The following ZSWIM5 variants were observed in gnomAD, a reference collection of about 807,000 sequenced individuals.
ZSWIM5 encodes the protein zinc finger SWIM domain-containing protein 5.
A neutral mutation model predicts 119.6 loss-of-function variants in ZSWIM5; 55 were observed. The ratio of observed to expected loss-of-function variants is 0.46; its 90% CI spans 0.37 to 0.58. ZSWIM5 has a LOEUF of 0.58. ZSWIM5 is among the 20% of genes least tolerant of loss of function. The probability of loss-of-function intolerance (pLI) is 0.00; values close to 1 mark genes in which losing one functional copy is unlikely to be tolerated. For missense variants in ZSWIM5, 1,193 were observed against 1,512.8 expected, an observed-to-expected ratio of 0.79 and a Z score of 3.51; for synonymous variants, 537 against 606.9, an observed-to-expected ratio of 0.88 and a Z score of 1.69.
At chr1:45,168,682 A>T (rs1645926033) in intron 1 of ZSWIM5, among the ~76,000 whole-genome samples, 1 of 150,780 alleles carries the variant, frequency 6.6e-6, no homozygotes, top group African/African-American at 2.4e-5. Flanking sequence ...AAAAAAAAAA[A>T]AAAGAATAAA....
At chr1:45,204,146 T>A (rs1365743105) in intron 1 of ZSWIM5, among the ~76,000 whole-genome samples, 2 of 152,170 alleles carry the variant, frequency 1.3e-5, no homozygotes, top group Non-Finnish European at 2.9e-5. Context: ...AAACTCTTCC[T>A]CTCTTTTATT....
At position 45,206,328 on chromosome 1, in the gene ZSWIM5, T is replaced by C. The variant is rs1320115522; in HGVS notation, c.23A>G (p.Glu8Gly). MADGGER[E>G]ELLSPSPVSP... is the part of the protein sequence containing the mutation. ...GACCGGTGACGGCGAGAGCAGCTCC[T>C]CTCGCTCACCTCCGTCCGCCATTGC... Residue 8 changes from glutamate to glycine, a missense_variant, in exon 1 of 14, where the codon GAG becomes GGG. Transcript: ENST00000359600. The C allele has an allele frequency of 6.7e-7, 1 of 1,501,992 alleles. No individual in the cohort carries two copies. Among genetic ancestry groups the C allele is most frequent in the Admixed American group, 2.1e-5 (1 of 46,714 alleles). The allele number at this position is 1,501,992 out of a possible 1,614,324, so 93.0% of individuals were successfully genotyped here. A position where few individuals can be genotyped will look rare whatever the true frequency, so the allele number is the denominator to read the frequency against.
At chr1:45,204,139 C>T (rs1386487971) in intron 1 of ZSWIM5, among the ~76,000 whole-genome samples, 2 of 152,126 alleles carry the variant, frequency 1.3e-5, no homozygotes, top group Non-Finnish European at 2.9e-5. Flanking sequence ...CTCTTTAAAA[C>T]TCTTCCTCTC....
In ZSWIM5 at chr1:45,167,006, C is replaced by T. The variant is rs368109507; in HGVS notation, c.595+38750G>A. On this transcript the variant is annotated intron_variant, in intron 1 of 13. Coordinates refer to ENST00000359600, the MANE Select transcript of ZSWIM5 (RefSeq NM_020883.2). Reference sequence around the variant, plus strand: ...CAGACGGAACCAAAAAAAGAGCCCGCATTGCCAAGTCAATCCTAAGCCAAA... The same window carrying T: ...CAGACGGAACCAAAAAAAGAGCCCGTATTGCCAAGTCAATCCTAAGCCAAA... Among the ~76,000 whole-genome samples the T allele has an allele frequency of 2.9e-4, 44 of 152,244 alleles. No homozygotes were observed. The Middle Eastern group carries it at 0.024, about 82-fold the overall frequency.
intron 11 of ZSWIM5, among the ~76,000 whole-genome samples, chr1:45,029,345 C>T (rs1330636870): frequency 6.6e-6 from 1 of 152,116 alleles, no homozygotes; most frequent in East Asian, 1.9e-4. Flanking sequence ...TGTAGTATGT[C>T]CTTTAATTTG....
At chr1:45,167,686 AAAG>A (rs1399534103) in intron 1 of ZSWIM5, among the ~76,000 whole-genome samples, 10 of 152,194 alleles carry the variant, frequency 6.6e-5, no homozygotes, top group African/African-American at 2.4e-4. Context: ...ACACTTCTCA[AAAG>A]AAGACATTTA....
chr1:45,162,001 G>A (rs144083638), intron 1 of ZSWIM5, among the ~76,000 whole-genome samples: 262 of 152,128 alleles, frequency 1.7e-3, no homozygotes, highest in African/African-American at 5.9e-3. Context: ...CTCTGCTCTC[G>A]CTTTTTCTAT....
chr1:45,114,504 A>C (rs1392546620), intron 1 of ZSWIM5, among the ~76,000 whole-genome samples: 1 of 152,230 alleles, frequency 6.6e-6, no homozygotes, highest in Non-Finnish European at 1.5e-5. Context: ...GAATTAAAGA[A>C]GACACGGGTA....
chr1:45,024,963 G>A (rs924926469), intron 11 of ZSWIM5, among the ~76,000 whole-genome samples: 3 of 152,046 alleles, frequency 2.0e-5, no homozygotes, highest in Admixed American at 2.0e-4. Flanking sequence ...CCATCCTCTA[G>A]AAATTTTATA....
chr1:45,103,891 T>G (rs1324324152), intron 1 of ZSWIM5, among the ~76,000 whole-genome samples: 5 of 152,226 alleles, frequency 3.3e-5, no homozygotes, highest in African/African-American at 1.2e-4. Context: ...CTTTTCTCAT[T>G]GCTCTTTTGA....
At chr1:45,168,455 A>G (rs991179616) in intron 1 of ZSWIM5, among the ~76,000 whole-genome samples, 9 of 151,824 alleles carry the variant, frequency 5.9e-5, no homozygotes, top group African/African-American at 2.2e-4. Flanking sequence ...TGTTGTGCAC[A>G]TGTACCCTAG....
chr1:45,094,900 G>A (rs1645391113), intron 1 of ZSWIM5, among the ~76,000 whole-genome samples: 1 of 150,708 alleles, frequency 6.6e-6, no homozygotes, highest in African/African-American at 2.4e-5. Context: ...GCAGTATGTT[G>A]AGTCCCCATG....
At chr1:45,103,943 T>G (rs911023519) in intron 1 of ZSWIM5, among the ~76,000 whole-genome samples, 6 of 152,204 alleles carry the variant, frequency 3.9e-5, no homozygotes, top group Non-Finnish European at 8.8e-5. Flanking sequence ...TGAAAATGAT[T>G]ATCATTTCAG....
intron 1 of ZSWIM5, among the ~76,000 whole-genome samples, chr1:45,128,099 A>AT (rs1217361699): frequency 1.3e-5 from 2 of 152,184 alleles, no homozygotes; most frequent in Admixed American, 6.5e-5. Context: ...TTCTGGAAAG[A>AT]TTTTTTTGCA....
At chr1:45,170,469 A>G (rs1042880285) in intron 1 of ZSWIM5, among the ~76,000 whole-genome samples, 4 of 150,108 alleles carry the variant, frequency 2.7e-5, no homozygotes, top group Non-Finnish European at 4.4e-5. Context: ...CTGTCACCCC[A>G]GGTGGAGTGC....
intron 5 of ZSWIM5, among the ~76,000 whole-genome samples, chr1:45,049,214 G>A (rs1328837118): frequency 6.6e-6 from 1 of 152,158 alleles, no homozygotes; most frequent in East Asian, 1.9e-4. Flanking sequence ...AATCTTCAAG[G>A]ACTGAGAGGG....
chr1:45,163,579 A>G (rs1036413305), intron 1 of ZSWIM5, among the ~76,000 whole-genome samples: 17 of 152,222 alleles, frequency 1.1e-4, no homozygotes, highest in African/African-American at 4.8e-5. Context: ...AACCTTGAAA[A>G]AAGATTGGAC....
chr1:45,043,168 T>C, intron 6 of ZSWIM5, 51 bp downstream of exon 6: 1 of 1,582,312 alleles, frequency 6.3e-7, no homozygotes, highest in Non-Finnish European at 8.6e-7. Context: ...CATTTGGGCC[T>C]GGCATGAAGT....
At chr1:45,125,120 C>G (rs1645612930) in intron 1 of ZSWIM5, among the ~76,000 whole-genome samples, 1 of 151,772 alleles carries the variant, frequency 6.6e-6, no homozygotes, top group South Asian at 2.1e-4. Context: ...TCTCCTCCAG[C>G]AAAGCAGAAT....
Sources: allele counts gnomAD v4.1 joint callset (sites outside exome capture counted in the v4.1 genomes callset), GRCh38; gene constraint gnomAD v4.1.1; transcripts MANE v1.5; gene names NCBI Gene and HGNC (gene_info 2026-07-23, HGNC 2026-07-21).